The following HPS3 variants were observed in gnomAD, a reference collection of about 807,000 sequenced individuals.
HPS3 encodes the protein BLOC-2 complex member HPS3.
HPS3 carries 79 observed loss-of-function variants against 110.9 expected under a neutral mutation model. That is an observed-to-expected ratio of 0.71 (90% confidence interval 0.59 to 0.86). The LOEUF is 0.86. HPS3 is among the 40% of genes least tolerant of loss of function. The probability of loss-of-function intolerance (pLI) is 0.00; values close to 1 mark genes in which losing one functional copy is unlikely to be tolerated. For missense variants in HPS3, 1,197 were observed against 1,206.2 expected (o/e 0.99, Z 0.11); for synonymous variants, 428 against 451.0 (o/e 0.95, Z 0.65).
At position 149,141,531 on chromosome 3, in the gene HPS3, G is replaced by GT. The variant is rs10718838; in HGVS notation, c.970+172dup. The GT allele has an allele frequency of 0.027, 10,357 of 379,236 alleles. 19 individuals carry two copies. Among genetic ancestry groups the GT allele is most frequent in the Middle Eastern group, 0.054 (60 of 1,110 alleles). The allele number at this position is 379,236 out of a possible 1,614,324, so 23.5% of individuals were successfully genotyped here. ...GCCCTTTAACAAAGTTTTTTTTTTT[G>GT]TTTTTTTTTTTTTTTTTTTTTGAGA... On this transcript the variant is annotated intron_variant, in intron 4 of 16. Coordinates refer to ENST00000296051, the MANE Select transcript of HPS3 (RefSeq NM_032383.5).
rs142884254 is a variant in HPS3, at chr3:149,170,034, T to G, written c.2887+2051T>G. On this transcript the variant is annotated intron_variant, in intron 16 of 16. Transcript: ENST00000296051. ...TAGCCTCAATTTTCCCAACCCTAAA[T>G]CAGGCCTAATACCCATTAGTTTACC... Among the ~76,000 whole-genome samples, 1,235 of 152,284 alleles carry G rather than the reference T, an allele frequency of 8.1e-3. 14 individuals are homozygous for G. Among genetic ancestry groups the G allele is most frequent in the African/African-American group, 0.027 (1,135 of 41,554 alleles).
intron 14 of HPS3, chr3:149,165,871 A>C (rs1056172069): frequency 7.6e-6 from 3 of 394,604 alleles, no homozygotes; most frequent in African/African-American, 6.2e-5. Flanking sequence ...ACCTTATTTC[A>C]TCTCTGCCAT....
In HPS3 at chr3:149,158,650, A is replaced by G. The variant is rs762261757; in HGVS notation, c.1692-16A>G. 1 of 1,612,298 alleles carries G rather than the reference A, an allele frequency of 6.2e-7. No homozygotes were observed. The highest frequency in any genetic ancestry group is 2.2e-5 in the East Asian group (1 of 44,846). The stretch of plus-strand genomic sequence containing the variant: ...AAAAGTGACAAATTTGAGGTTTTTC[A>G]TTTCCTTCCCTTTAGGCTTGACTCC... On this transcript the variant is annotated splice_polypyrimidine_tract_variant and intron_variant, in intron 9 of 16. Transcript: ENST00000296051.
At chr3:149,157,198 T>C (rs1723507669) in intron 8 of HPS3, 152 bp from the exon 9 acceptor site, 1 of 716,074 alleles carries the variant, frequency 1.4e-6, no homozygotes, top group Non-Finnish European at 2.4e-6. Context: ...GCTAAGCCCT[T>C]GTCAGAATGG....
At chr3:149,145,033 TCAGA>T (rs1722705251) in intron 4 of HPS3, among the ~76,000 whole-genome samples, 3 of 152,204 alleles carry the variant, frequency 2.0e-5, no homozygotes, top group Non-Finnish European at 4.4e-5. Flanking sequence ...TCAGGCTTGC[TCAGA>T]TTATTTATTA....
At chr3:149,135,994 T>C (rs1722068957) in intron 1 of HPS3, among the ~76,000 whole-genome samples, 2 of 152,188 alleles carry the variant, frequency 1.3e-5, no homozygotes, top group South Asian at 4.1e-4. Flanking sequence ...CTGGTATTAC[T>C]GTTAGCCATG....
chr3:149,160,241 C>G lies in HPS3; in HGVS notation c.2068C>G (p.Leu690Val). 6.2e-7 allele frequency: 1 copy of G among 1,613,664 alleles called. No homozygotes were observed. The highest frequency in any genetic ancestry group is 1.1e-5 in the South Asian group (1 of 91,064). ...AGCAGTGGCTCTGAAAATGGGAGATCTTGACATGCACAGAAATGAAATGAA... is the reference window on the plus strand; with the variant it reads ...AGCAGTGGCTCTGAAAATGGGAGATGTTGACATGCACAGAAATGAAATGAA... ...KAAVALKMGD[L>V]DMHRNEMKSH... The change falls in exon 11 of 17, where the codon CTT becomes GTT. Residue 690 changes from leucine to valine, a missense_variant. Physicochemically the swap from Leu to Val is conservative, Grantham distance 32 (BLOSUM62 1). Transcript: ENST00000296051.
At chr3:149,168,394 A>G (rs914426588) in intron 16 of HPS3, 3 of 196,640 alleles carry the variant, frequency 1.5e-5, no homozygotes, top group Admixed American at 5.4e-5. Context: ...CAAGGATTTA[A>G]AAGTTGAGTA....
chr3:149,145,838 T>A (rs563953923), intron 5 of HPS3, among the ~76,000 whole-genome samples: 21 of 152,212 alleles, frequency 1.4e-4, no homozygotes, highest in Non-Finnish European at 2.6e-4. Context: ...GAAAAGTCAA[T>A]GCAGCCAGTC....
intron 5 of HPS3, among the ~76,000 whole-genome samples, chr3:149,146,939 T>C (rs1356461618): frequency 6.6e-6 from 1 of 152,052 alleles, no homozygotes. Context: ...TTTAGGAAAA[T>C]TAATGGTGGC....
rs147876099 is a variant in HPS3 at position 149,170,860 on chromosome 3, T to C, written c.2888-1235T>C. 7.1e-3 allele frequency among the ~76,000 whole-genome samples: 1,082 copies of C among 152,286 alleles called. 5 individuals carry two copies. Among genetic ancestry groups the C allele is most frequent in the Middle Eastern group, 0.02 (6 of 294 alleles). ...GAAGATGTAAGACCAAGTGGATGTT[T>C]ATTGGGAACATTGTTCATAACTGTC... On this transcript the variant is annotated intron_variant, in intron 16 of 16. Coordinates refer to ENST00000296051, the MANE Select transcript of HPS3 (RefSeq NM_032383.5).
intron 14 of HPS3, among the ~76,000 whole-genome samples, chr3:149,166,486 C>A (rs774115042): frequency 6.6e-6 from 1 of 152,238 alleles, no homozygotes; most frequent in African/African-American, 2.4e-5. Context: ...TAAAACTGAT[C>A]ATGTTCAGAA....
intron 1 of HPS3, among the ~76,000 whole-genome samples, chr3:149,136,205 C>CAT (rs35285836): frequency 5.3e-5 from 8 of 150,272 alleles, no homozygotes; most frequent in Non-Finnish European, 1.0e-4. Flanking sequence ...TATGTATATA[C>CAT]ATATATATAT....
chr3:149,151,456 T>C (rs1252107580), intron 6 of HPS3, among the ~76,000 whole-genome samples: 1 of 151,942 alleles, frequency 6.6e-6, no homozygotes, highest in Non-Finnish European at 1.5e-5. Context: ...GATTTATTTA[T>C]ACTATTATCA....
In HPS3 at chr3:149,139,958, G is replaced by T. The variant is rs749222912; in HGVS notation, c.218-46G>T. The T allele has an allele frequency of 5.1e-6, 8 of 1,557,200 alleles. No homozygotes were observed. The South Asian group carries it at 9.0e-5, about 18-fold the overall frequency. On this transcript the variant is annotated intron_variant, in intron 1 of 16. Transcript: ENST00000296051. ...ACTCATGTCAGCAAGGGAGGTGGTT[G>T]TATTTCTAATTACAAATTCTCAGTA...
chr3:149,150,691 G>C lies in HPS3; in HGVS notation c.1245+11G>C, dbSNP rs202067740. Reference sequence around the variant, plus strand: ...GACACCACCCTGAAGGTAAGAACTGGCTTATGAAGATAGTGAAACCTTAAG... The same window carrying C: ...GACACCACCCTGAAGGTAAGAACTGCCTTATGAAGATAGTGAAACCTTAAG... On this transcript the variant is annotated intron_variant, in intron 6 of 16. Transcript: ENST00000296051. The C allele has an allele frequency of 5.2e-5, 83 of 1,604,278 alleles. No individual in the cohort carries two copies. The highest frequency in any genetic ancestry group is 5.0e-5 in the Admixed American group (3 of 59,996).
intron 6 of HPS3, among the ~76,000 whole-genome samples, chr3:149,152,852 A>T (rs1246034036): frequency 6.6e-6 from 1 of 152,148 alleles, no homozygotes; most frequent in Non-Finnish European, 1.5e-5. Context: ...TTTCTTATTC[A>T]TTCTACTTGA....
intron 6 of HPS3, among the ~76,000 whole-genome samples, chr3:149,151,741 C>T (rs1723141475): frequency 6.6e-6 from 1 of 151,798 alleles, no homozygotes; most frequent in Non-Finnish European, 1.5e-5. Flanking sequence ...TATTTTACTT[C>T]TGAAGTATAA....
At position 149,145,520 on chromosome 3, in the gene HPS3, G is replaced by A. The variant is rs571780487; in HGVS notation, c.1137G>A (p.Thr379=). Residue 379 remains threonine, a synonymous_variant, in exon 5 of 17, where the codon ACG becomes ACA. Transcript: ENST00000296051. ...AAAAGTCTCAGCAGGCAGTACTCAC[G>A]CCACAATTTTTGCACGTCATTACAA... ...YPEKSQQAVL[T]PQFLHVITSN... 1.2e-5 allele frequency: 20 copies of A among 1,614,060 alleles called. No individual in the cohort carries two copies. In the East Asian group the frequency reaches 1.6e-4, roughly 13 times the overall value.
Sources: allele counts gnomAD v4.1 joint callset (sites outside exome capture counted in the v4.1 genomes callset), GRCh38; gene constraint gnomAD v4.1.1; transcripts MANE v1.5; gene names NCBI Gene and HGNC (gene_info 2026-07-23, HGNC 2026-07-21).